DGKK: variants seen among roughly 807,000 people sequenced by gnomAD.
DGKK encodes the protein 142 kDa diacylglycerol kinase.
DGKK carries 35 observed loss-of-function variants against 92.2 expected under a neutral mutation model. That is an observed-to-expected ratio of 0.38 (90% CI 0.29 to 0.50). The LOEUF is 0.50. Ranked by LOEUF, DGKK falls within the 20% of genes least tolerant of loss-of-function variation. DGKK has a pLI of 0.92. For missense variants in DGKK, 910 were observed against 992.2 expected, an observed-to-expected ratio of 0.92 and a Z score of 1.11; for synonymous variants, 368 against 360.6, an observed-to-expected ratio of 1.02 and a Z score of -0.23.
chrX:50,462,044 T>C (rs2147152791), intron 1 of DGKK, among the ~76,000 whole-genome samples: 1 of 111,727 alleles, frequency 9.0e-6, no homozygotes, highest in Non-Finnish European at 1.9e-5. Context: ...TGCTTTTGAG[T>C]TTATCATCAA....
intron 20 of DGKK, among the ~76,000 whole-genome samples, chrX:50,379,315 CAA>C (rs1214871132): frequency 1.5e-4 from 6 of 38,811 alleles, no homozygotes; most frequent in Non-Finnish European, 1.9e-4. Flanking sequence ...GACTCCGTTT[CAA>C]AAAAAAAAAA....
chrX:50,374,347 C>T (rs1924216678), intron 25 of DGKK, among the ~76,000 whole-genome samples: 1 of 111,388 alleles, frequency 9.0e-6, no homozygotes, highest in Non-Finnish European at 1.9e-5. Flanking sequence ...GCCAGAAAAC[C>T]ACTGGAAGCT....
At chrX:50,397,839 TCTGGGGTGGAAG>T (rs1347988771) in intron 8 of DGKK, among the ~76,000 whole-genome samples, 4 of 111,376 alleles carry the variant, frequency 3.6e-5, no homozygotes, top group Admixed American at 9.5e-5. Context: ...GAGCTCACAG[TCTGGGGTGGAAG>T]ATGGACACCA....
intron 3 of DGKK, among the ~76,000 whole-genome samples, 171 bp from the exon 4 acceptor site, chrX:50,420,678 C>T (rs1925561793): frequency 9.0e-6 from 1 of 111,594 alleles, no homozygotes; most frequent in Non-Finnish European, 1.9e-5. Flanking sequence ...GTTACCCATC[C>T]GAAATAATAA....
chrX:50,460,871 T>C (rs1926725718), intron 1 of DGKK, among the ~76,000 whole-genome samples: 1 of 106,641 alleles, frequency 9.4e-6, no homozygotes, highest in African/African-American at 3.5e-5. Context: ...TGTAACTTCT[T>C]GTTAAAGAGA....
At chrX:50,420,030 C>T (rs1020026950) in intron 4 of DGKK, among the ~76,000 whole-genome samples, 1 of 111,692 alleles carries the variant, frequency 9.0e-6, no homozygotes, top group Non-Finnish European at 1.9e-5. Flanking sequence ...TTCTGAGTCT[C>T]AGTTTCCTTA....
intron 3 of DGKK, 82 bp from the exon 4 acceptor site, chrX:50,420,589 T>C (rs1248263981): frequency 2.8e-5 from 23 of 812,189 alleles, no homozygotes; most frequent in Non-Finnish European, 4.2e-5. Flanking sequence ...TCTAAGAAAC[T>C]ACACAGATGT....
At chrX:50,468,537 T>TA (rs1418869685) in intron 1 of DGKK, among the ~76,000 whole-genome samples, 5 of 111,766 alleles carry the variant, frequency 4.5e-5, no homozygotes, top group African/African-American at 1.3e-4. Context: ...GTTGAATTTT[T>TA]AAAAACTTAT....
intron 1 of DGKK, among the ~76,000 whole-genome samples, chrX:50,446,135 T>A (rs916209592): frequency 2.7e-5 from 3 of 111,364 alleles, no homozygotes; most frequent in Non-Finnish European, 5.7e-5. Context: ...TGATTTTGTA[T>A]CTTGAGAGTT....
chrX:50,391,498 T>A lies in DGKK; in HGVS notation c.1783A>T (p.Ser595Cys), dbSNP rs1924695172. The A allele has an allele frequency of 3.3e-6, 4 of 1,209,829 alleles. No homozygotes were observed. The highest frequency in any genetic ancestry group is 1.7e-5 in the African/African-American group (1 of 57,178). ...TTGAGGATGTCCAGAGGTGACTTGC[T>A]TTTGTTCCAGAATGCACCCCAGCCC... ...VLGWGAFWNK[S>C]KSPLDILNRV... The change falls in exon 11 of 28, where the codon AGC becomes TGC. Residue 595 changes from serine (S) to cysteine (C), a missense_variant. Physicochemically the swap from Ser to Cys is moderately radical, Grantham distance 112. Transcript: ENST00000611977.
chrX:50,383,648 T>C (rs1488151223), intron 17 of DGKK, among the ~76,000 whole-genome samples: 1 of 111,625 alleles, frequency 9.0e-6, no homozygotes, highest in African/African-American at 3.3e-5. Context: ...ATGTCCAAAC[T>C]GATCTTCTTA....
At chrX:50,386,899 A>C (rs782804980) in intron 14 of DGKK, among the ~76,000 whole-genome samples, 1 of 111,554 alleles carries the variant, frequency 9.0e-6, no homozygotes, top group Admixed American at 9.5e-5. Flanking sequence ...ATAACATGCA[A>C]ACTTGAGGAA....
At chrX:50,416,724 A>C (rs895500315) in intron 4 of DGKK, among the ~76,000 whole-genome samples, 1 of 111,667 alleles carries the variant, frequency 9.0e-6, no homozygotes, top group Admixed American at 9.5e-5. Context: ...GGAGCTGTTA[A>C]TACTTATGCC....
intron 25 of DGKK, among the ~76,000 whole-genome samples, chrX:50,372,900 A>T (rs1971095731): frequency 8.9e-6 from 1 of 111,754 alleles, no homozygotes; most frequent in Non-Finnish European, 1.9e-5. Flanking sequence ...TCTAGCACTT[A>T]TGTGGCTTCT....
intron 26 of DGKK, 62 bp from the exon 27 acceptor site, chrX:50,370,611 G>T (rs1847687170): frequency 5.4e-6 from 6 of 1,117,329 alleles, no homozygotes; most frequent in Non-Finnish European, 7.1e-6. Context: ...ATAATTGCTG[G>T]AGTCCTGGAA....
chrX:50,421,888 C>T (rs1334025648), intron 3 of DGKK, among the ~76,000 whole-genome samples: 1 of 111,724 alleles, frequency 9.0e-6, no homozygotes, highest in Non-Finnish European at 1.9e-5. Flanking sequence ...ATTCCTGGGC[C>T]ACCAAGCTTT....
rs782485451 is a variant in DGKK, at chrX:50,369,004, C to T, written c.3752G>A (p.Arg1251His). The T allele has an allele frequency of 3.6e-5, 43 of 1,204,025 alleles. No individual in the cohort carries two copies. Among genetic ancestry groups the T allele is most frequent in the South Asian group, 8.9e-5 (5 of 56,037 alleles). ...CTCTGCTTCATCTTCACGATGTCTG[C>T]GGTGCCATAAATTGCCTTCAGAGGA... The part of the protein sequence containing the change: ...VQSFIGNLWH[R>H]RHREDEAEGD... The change falls in exon 28 of 28, where the codon CGC (arginine) becomes CAC (histidine). Residue 1251 changes from arginine to histidine, a missense_variant. Arg to His is a conservative substitution (Grantham distance 29). Transcript: ENST00000611977.
Position 50,365,887 on chromosome X carries a change from G to C in DGKK, c.*3053C>G, listed in dbSNP as rs1037268089. Reference sequence around the variant, plus strand: ...TTCTTATTCTTAACCTGCTCTTATGGACACAGCACAGGGCCTTTCTGGAGA... The same window carrying C: ...TTCTTATTCTTAACCTGCTCTTATGCACACAGCACAGGGCCTTTCTGGAGA... On this transcript the variant is annotated 3_prime_UTR_variant, in exon 28 of 28. Coordinates refer to ENST00000611977, the MANE Select transcript of DGKK (RefSeq NM_001013742.4). 2 of 111,526 alleles carry C rather than the reference G, an allele frequency of 1.8e-5. No homozygotes were observed. The highest frequency in any genetic ancestry group is 1.9e-4 in the Admixed American group (2 of 10,525). 9.2% of individuals were successfully genotyped at this position (111,526 alleles called of 1,213,427 possible). A position where few individuals can be genotyped will look rare whatever the true frequency, so the allele number is the denominator to read the frequency against.
intron 8 of DGKK, among the ~76,000 whole-genome samples, chrX:50,395,210 G>A (rs1384011090): frequency 9.0e-6 from 1 of 111,704 alleles, no homozygotes; most frequent in East Asian, 2.8e-4. Flanking sequence ...TTATGTGCTT[G>A]CTCCCCTACC....
Sources: allele counts gnomAD v4.1 joint callset (sites outside exome capture counted in the v4.1 genomes callset), GRCh38; gene constraint gnomAD v4.1.1; transcripts MANE v1.5; gene names NCBI Gene and HGNC (gene_info 2026-07-23, HGNC 2026-07-21).